Variants in SBF2 observed in about 807,000 individuals in gnomAD.
SBF2 encodes the protein myotubularin-related protein 13.
SBF2 carries 112 observed loss-of-function variants against 225.2 expected under a neutral mutation model. That is an observed-to-expected ratio of 0.50 (90% confidence interval 0.43 to 0.58). The LOEUF is 0.58. Among genes scored for constraint, SBF2 ranks in the 20% least tolerant of loss-of-function variants. The pLI is 0.00. For synonymous variants in SBF2, 763 were observed against 773.3 expected (o/e 0.99, Z 0.22); for missense variants, 1,996 against 2,206.2 (o/e 0.90, Z 1.91).
chr11:9,881,744 C>A (rs532138722), intron 17 of SBF2, among the ~76,000 whole-genome samples: 3 of 152,032 alleles, frequency 2.0e-5, no homozygotes, highest in Non-Finnish European at 2.9e-5. Flanking sequence ...CCATCCCCCC[C>A]CAATTAAACA....
chr11:9,790,042 T>G (rs530534910), intron 34 of SBF2, among the ~76,000 whole-genome samples: 1 of 152,306 alleles, frequency 6.6e-6, no homozygotes, highest in East Asian at 1.9e-4. Flanking sequence ...TAAGTAATGG[T>G]GGAACTGCTT....
chr11:9,985,312 T>C (rs1314540159), intron 13 of SBF2, among the ~76,000 whole-genome samples: 1 of 152,056 alleles, frequency 6.6e-6, no homozygotes. Context: ...CTATTCTTTT[T>C]AGTTGTTTTT....
chr11:9,913,496 C>T (rs1238706897), intron 16 of SBF2, among the ~76,000 whole-genome samples: 3 of 152,072 alleles, frequency 2.0e-5, no homozygotes, highest in Non-Finnish European at 2.9e-5. Flanking sequence ...AAACATTTGA[C>T]CTCATTTAAT....
At chr11:10,284,356 C>T (rs1053434701) in intron 1 of SBF2, among the ~76,000 whole-genome samples, 1 of 152,152 alleles carries the variant, frequency 6.6e-6, no homozygotes, top group African/African-American at 2.4e-5. Context: ...AAATATAAAA[C>T]AATTTTATCA....
intron 16 of SBF2, 39 bp downstream of exon 16, chr11:9,961,918 C>T: frequency 1.3e-6 from 2 of 1,590,148 alleles, no homozygotes; most frequent in African/African-American, 1.3e-5. Flanking sequence ...GAAAAGTATT[C>T]TCAAATAAGA....
chr11:10,293,934 C>G, intron 1 of SBF2, 81 bp downstream of exon 1: 1 of 1,111,514 alleles, frequency 9.0e-7, no homozygotes, highest in Non-Finnish European at 1.1e-6. Flanking sequence ...CGCCCGTCCC[C>G]GACGCCCGGC....
At chr11:9,868,596 T>C (rs1858447639) in intron 17 of SBF2, among the ~76,000 whole-genome samples, 1 of 152,200 alleles carries the variant, frequency 6.6e-6, no homozygotes, top group African/African-American at 2.4e-5. Context: ...TTTGCTTAAC[T>C]TGAGTAGGAA....
At chr11:9,863,929 G>T (rs114743265) in intron 17 of SBF2, among the ~76,000 whole-genome samples, 2,596 of 151,788 alleles carry the variant, frequency 0.017, 75 homozygotes, top group African/African-American at 0.06. Context: ...TTATATTGCA[G>T]GTTTTATTCT....
intron 28 of SBF2, among the ~76,000 whole-genome samples, chr11:9,822,220 T>C (rs1041278664): frequency 3.3e-5 from 5 of 152,060 alleles, no homozygotes; most frequent in African/African-American, 7.2e-5. Flanking sequence ...ACACAGTAAG[T>C]AGTGGGACTA....
At chr11:10,280,645 T>A (rs1405743428) in intron 1 of SBF2, among the ~76,000 whole-genome samples, 4 of 152,224 alleles carry the variant, frequency 2.6e-5, no homozygotes, top group African/African-American at 7.2e-5. Context: ...ATATGCTGCC[T>A]CTACTTCTTA....
intron 2 of SBF2, among the ~76,000 whole-genome samples, chr11:10,173,100 G>C (rs1291112561): frequency 6.6e-6 from 1 of 152,228 alleles, no homozygotes; most frequent in Non-Finnish European, 1.5e-5. Flanking sequence ...GGTCAGAGAA[G>C]ATACTTGATA....
At chr11:10,276,546 C>G (rs1962972750) in intron 1 of SBF2, among the ~76,000 whole-genome samples, 1 of 152,200 alleles carries the variant, frequency 6.6e-6, no homozygotes, top group South Asian at 2.1e-4. Context: ...ATCTCCACCT[C>G]CCAGTCCCCA....
intron 2 of SBF2, among the ~76,000 whole-genome samples, chr11:10,168,492 T>C (rs1208993345): frequency 6.6e-6 from 1 of 152,210 alleles, no homozygotes; most frequent in Non-Finnish European, 1.5e-5. Context: ...ATGGTCATTC[T>C]ACTCAAATTT....
At position 10,294,157 on chromosome 11, in the gene SBF2, C is replaced by T; in HGVS notation, c.-88G>A. ...CGGCCCGGGAGGGCTCAGCATTTTC[C>T]CTGCAGCGGCAGTAGCGGCAGCGGC... On this transcript the variant is annotated 5_prime_UTR_variant, in exon 1 of 40. Coordinates refer to ENST00000256190, the MANE Select transcript of SBF2 (RefSeq NM_030962.4). 2 of 1,018,888 alleles carry T rather than the reference C, an allele frequency of 2.0e-6. No homozygotes were observed. Among genetic ancestry groups the T allele is most frequent in the South Asian group, 3.5e-5 (1 of 28,718 alleles). The allele number at this position is 1,018,888 out of a possible 1,614,324, so 63.1% of individuals were successfully genotyped here. A position where few individuals can be genotyped will look rare whatever the true frequency, so the allele number is the denominator to read the frequency against.
chr11:10,124,745 C>A (rs1283270459), intron 2 of SBF2, among the ~76,000 whole-genome samples: 2 of 152,122 alleles, frequency 1.3e-5, no homozygotes, highest in Non-Finnish European at 2.9e-5. Flanking sequence ...AAGGTCATCT[C>A]CATCTCTGCA....
chr11:9,867,036 A>G (rs1858283338), intron 17 of SBF2, among the ~76,000 whole-genome samples: 1 of 152,180 alleles, frequency 6.6e-6, no homozygotes, highest in South Asian at 2.1e-4. Flanking sequence ...GGGTACAAAA[A>G]AATAGAATAA....
chr11:9,901,346 G>A (rs995098793), intron 16 of SBF2, among the ~76,000 whole-genome samples: 1 of 152,146 alleles, frequency 6.6e-6, no homozygotes, highest in African/African-American at 2.4e-5. Context: ...GCTAAAGGGA[G>A]GAAGTCCATT....
At chr11:9,878,999 A>G (rs1035671384) in intron 17 of SBF2, among the ~76,000 whole-genome samples, 4 of 152,244 alleles carry the variant, frequency 2.6e-5, no homozygotes, top group Non-Finnish European at 2.9e-5. Context: ...GCAAAGCTGC[A>G]GAAATTAAAA....
At chr11:9,957,085 C>T (rs138127707) in intron 16 of SBF2, 1 of 152,168 alleles carries the variant, frequency 6.6e-6, no homozygotes. Context: ...CAGAAAATAA[C>T]CCCAATATTC....
Sources: gnomAD v4.1 joint callset for allele counts (sites outside exome capture counted in the v4.1 genomes callset) on GRCh38, gnomAD v4.1.1 for gene constraint, MANE v1.5 for transcripts, NCBI Gene and HGNC (gene_info 2026-07-23, HGNC 2026-07-21) for gene names.